The following PLEKHH2 variants were observed in gnomAD, a reference collection of about 807,000 sequenced individuals.
PLEKHH2 encodes the protein pleckstrin homology, MyTH4 and FERM domain containing H2, also known as pleckstrin homology domain-containing family H member 2.
In PLEKHH2, 129 loss-of-function variants were observed where a neutral mutation model predicts 187.9. That is an observed-to-expected ratio of 0.69 (90% CI 0.59 to 0.79). The LOEUF (loss-of-function observed/expected upper bound fraction) is 0.79. Ranked by LOEUF, PLEKHH2 falls within the 30% of genes least tolerant of loss-of-function variation. PLEKHH2 has a pLI of 0.00. For synonymous variants in PLEKHH2, 686 were observed against 605.6 expected, an observed-to-expected ratio of 1.13 and a Z score of -1.95; for missense variants, 2,076 against 1,751.2, an observed-to-expected ratio of 1.19 and a Z score of -3.31.
rs189608247 is a variant in PLEKHH2, at chr2:43,678,923, C to T, written c.184C>T (p.Gln62Ter). ...ACGTCAAGCAGAAAAAGCTTTTCAA[C>T]AGGTAGAGTATAATTTTACTTTAAA... Reference protein sequence around the residue: ...AERQAEKAFQQVQVMEDKLKA... With the variant: ...AERQAEKAFQ Residue 62 changes from glutamine to a stop codon, truncating the protein, a stop_gained and splice_region_variant, in exon 3 of 30, where the codon CAG becomes TAG. Coordinates refer to ENST00000282406, the MANE Select transcript of PLEKHH2 (RefSeq NM_172069.4). LOFTEE classifies it high-confidence loss of function. The T allele has an allele frequency of 4.4e-6, 7 of 1,605,640 alleles. No individual in the cohort carries two copies. Among genetic ancestry groups the T allele is most frequent in the African/African-American group, 2.7e-5 (2 of 74,770 alleles).
intron 21 of PLEKHH2, among the ~76,000 whole-genome samples, chr2:43,742,426 T>G (rs900987789): frequency 6.6e-6 from 1 of 152,194 alleles, no homozygotes; most frequent in Non-Finnish European, 1.5e-5. Flanking sequence ...TGCAATTGCT[T>G]TCTTTATATT....
intron 3 of PLEKHH2, chr2:43,681,390 T>G: frequency 6.5e-7 from 1 of 1,537,882 alleles, no homozygotes; most frequent in Non-Finnish European, 8.8e-7. Context: ...GGAAGGTTCT[T>G]GTCGACTTTG....
In PLEKHH2 at chr2:43,703,441, C is replaced by A. The variant is rs146497591; in HGVS notation, c.1651-540C>A. ...ATCTCTTCTACTTGAGTGAAATGTA[C>A]ATTGACATAGGAAGGCGATAGCATT... On this transcript the variant is annotated intron_variant, in intron 8 of 29. Coordinates refer to ENST00000282406, the MANE Select transcript of PLEKHH2 (RefSeq NM_172069.4). Among the ~76,000 whole-genome samples, 27 of 152,300 alleles carry A rather than the reference C, an allele frequency of 1.8e-4. No individual in the cohort carries two copies. In the East Asian group the frequency reaches 5.2e-3, roughly 29 times the overall value.
At chr2:43,757,009 G>T in intron 25 of PLEKHH2, 110 bp from the exon 26 acceptor site, 1 of 704,180 alleles carries the variant, frequency 1.4e-6, no homozygotes, top group East Asian at 3.3e-5. Flanking sequence ...ATGACAAATA[G>T]ATTTATGTAT....
chr2:43,746,559 A>G (rs1219971383), intron 24 of PLEKHH2, among the ~76,000 whole-genome samples: 5 of 151,932 alleles, frequency 3.3e-5, no homozygotes, highest in Non-Finnish European at 7.4e-5. Flanking sequence ...CACGCACACA[A>G]TCAGAAAAAC....
intron 8 of PLEKHH2, among the ~76,000 whole-genome samples, chr2:43,702,767 C>G (rs143930187): frequency 1.3e-3 from 197 of 152,088 alleles, no homozygotes; most frequent in African/African-American, 4.5e-3. Flanking sequence ...CATAGCCTAT[C>G]CTTATTGAAC....
chr2:43,649,851 A>C (rs1163611870), intron 2 of PLEKHH2, among the ~76,000 whole-genome samples: 1 of 152,178 alleles, frequency 6.6e-6, no homozygotes, highest in Non-Finnish European at 1.5e-5. Flanking sequence ...AGTGGGTGTG[A>C]AGGTCCTAAA....
chr2:43,749,446 A>T (rs540004153), intron 24 of PLEKHH2, among the ~76,000 whole-genome samples: 1 of 152,216 alleles, frequency 6.6e-6, no homozygotes, highest in Non-Finnish European at 1.5e-5. Flanking sequence ...CCTTGGGTAC[A>T]TGTTCTCAGG....
chr2:43,686,229 C>A (rs1395973428), intron 3 of PLEKHH2, among the ~76,000 whole-genome samples: 1 of 151,496 alleles, frequency 6.6e-6, no homozygotes, highest in African/African-American at 2.4e-5. Flanking sequence ...CTGAGTCTTG[C>A]TCTGTCGCCC....
chr2:43,737,712 C>T (rs1214459230), intron 19 of PLEKHH2, among the ~76,000 whole-genome samples: 2 of 152,114 alleles, frequency 1.3e-5, no homozygotes, highest in African/African-American at 2.4e-5. Context: ...AATGATCTAA[C>T]GGGGAAAGAG....
chr2:43,713,441 A>T (rs1670064290), intron 15 of PLEKHH2, among the ~76,000 whole-genome samples: 1 of 152,188 alleles, frequency 6.6e-6, no homozygotes, highest in African/African-American at 2.4e-5. Flanking sequence ...GCTTTAAAAA[A>T]TGTTTGTACA....
intron 19 of PLEKHH2, among the ~76,000 whole-genome samples, chr2:43,733,422 T>G (rs967650990): frequency 6.6e-6 from 1 of 150,752 alleles, no homozygotes; most frequent in Non-Finnish European, 1.5e-5. Flanking sequence ...CCTCCACTCC[T>G]CCAGCCTCAG....
intron 8 of PLEKHH2, among the ~76,000 whole-genome samples, chr2:43,701,924 C>T (rs1461104040): frequency 6.6e-6 from 1 of 152,120 alleles, no homozygotes; most frequent in Non-Finnish European, 1.5e-5. Context: ...TTTACCACCA[C>T]ACCTGGCTAA....
At chr2:43,734,413 A>C (rs1671192973) in intron 19 of PLEKHH2, among the ~76,000 whole-genome samples, 1 of 152,254 alleles carries the variant, frequency 6.6e-6, no homozygotes, top group African/African-American at 2.4e-5. Flanking sequence ...GCAAAAAACA[A>C]ATAATCCAAT....
intron 2 of PLEKHH2, chr2:43,676,019 C>G (rs984291290): frequency 1.9e-6 from 3 of 1,614,004 alleles, no homozygotes. Context: ...TTTTTAGTAT[C>G]GTAGAGCTCT....
At chr2:43,692,713 A>G (rs1007411743) in intron 4 of PLEKHH2, 50 bp downstream of exon 4, 10 of 1,543,988 alleles carry the variant, frequency 6.5e-6, no homozygotes, top group Admixed American at 2.0e-5. Flanking sequence ...TCATTTGTGC[A>G]TAATCACAAA....
Position 43,645,556 on chromosome 2 carries a change from G to T in PLEKHH2, c.123+760G>T, listed in dbSNP as rs367708338. On this transcript the variant is annotated intron_variant, in intron 2 of 29. Coordinates refer to ENST00000282406, the MANE Select transcript of PLEKHH2 (RefSeq NM_172069.4). The stretch of plus-strand genomic sequence containing the variant: ...TCAGATAAGGCTAGTTCAAATTGAG[G>T]TGTGTTGTAAAAGTAGAATAAATAC... Among the ~76,000 whole-genome samples, 305 of 152,188 alleles carry T rather than the reference G, an allele frequency of 2.0e-3. 2 individuals carry two copies. The highest frequency in any genetic ancestry group is 3.1e-3 in the Non-Finnish European group (213 of 67,972).
chr2:43,728,990 A>G (rs1003991946), intron 17 of PLEKHH2, among the ~76,000 whole-genome samples: 1 of 152,236 alleles, frequency 6.6e-6, no homozygotes, highest in African/African-American at 2.4e-5. Flanking sequence ...AGTAACCATC[A>G]TAATGTTCAG....
intron 23 of PLEKHH2, among the ~76,000 whole-genome samples, chr2:43,745,169 A>T (rs1671727739): frequency 1.3e-5 from 2 of 152,112 alleles, no homozygotes; most frequent in Non-Finnish European, 2.9e-5. Context: ...CAAAAAAATT[A>T]GCCAGGCATG....
Sources: gnomAD v4.1 joint callset for allele counts (sites outside exome capture counted in the v4.1 genomes callset) on GRCh38, gnomAD v4.1.1 for gene constraint, MANE v1.5 for transcripts, NCBI Gene and HGNC (gene_info 2026-07-23, HGNC 2026-07-21) for gene names.